CNTNAP5: variants seen among roughly 807,000 people sequenced by gnomAD.
CNTNAP5 encodes the protein contactin associated protein family member 5.
In CNTNAP5, 72 loss-of-function variants were observed where a neutral mutation model predicts 150.2. The observed-to-expected ratio is 0.48, with a 90% CI of 0.40 to 0.58. The LOEUF is 0.58. Among genes scored for constraint, CNTNAP5 ranks in the 20% least tolerant of loss-of-function variants. The pLI is 0.00. For synonymous variants in CNTNAP5, 672 were observed against 619.8 expected, an observed-to-expected ratio of 1.08 and a Z score of -1.25; for missense variants, 1,636 against 1,626.2, an observed-to-expected ratio of 1.01 and a Z score of -0.10.
chr2:124,318,295 C>T (rs1689016886), intron 3 of CNTNAP5, among the ~76,000 whole-genome samples: 1 of 152,152 alleles, frequency 6.6e-6, no homozygotes, highest in South Asian at 2.1e-4. Flanking sequence ...ACATCTAAAC[C>T]TTAAGTAGTG....
chr2:124,287,075 AC>A lies in CNTNAP5; in HGVS notation c.381+44683del, dbSNP rs1278837684. On this transcript the variant is annotated intron_variant, in intron 3 of 23. Transcript: ENST00000682447. Reference sequence around the variant, plus strand: ...TGCAATACTTACCAGAACAGCAGCCACAGTCTGACTCCCACTCGCTCAAAGG... The same window carrying A: ...TGCAATACTTACCAGAACAGCAGCCAAGTCTGACTCCCACTCGCTCAAAGG... Among the ~76,000 whole-genome samples, 6 of 152,290 alleles carry A rather than the reference AC, an allele frequency of 3.9e-5. No individual in the cohort carries two copies. The South Asian group carries it at 8.3e-4, about 21-fold the overall frequency.
intron 13 of CNTNAP5, among the ~76,000 whole-genome samples, chr2:124,665,183 C>T (rs1210108673): frequency 6.6e-6 from 1 of 152,218 alleles, no homozygotes; most frequent in Non-Finnish European, 1.5e-5. Flanking sequence ...ACAATATTGT[C>T]TTTCCCTTTT....
intron 13 of CNTNAP5, among the ~76,000 whole-genome samples, chr2:124,696,159 T>A (rs1161273832): frequency 6.6e-6 from 1 of 152,090 alleles, no homozygotes; most frequent in Non-Finnish European, 1.5e-5. Context: ...ATCCAGACAA[T>A]GATGGCTGGA....
chr2:124,598,836 T>C (rs1219731301), intron 11 of CNTNAP5, among the ~76,000 whole-genome samples: 2 of 152,188 alleles, frequency 1.3e-5, no homozygotes, highest in East Asian at 3.9e-4. Context: ...GTGTGGGATA[T>C]AGTCTTGTGG....
intron 12 of CNTNAP5, among the ~76,000 whole-genome samples, chr2:124,618,412 A>G (rs1677535796): frequency 6.6e-6 from 1 of 152,160 alleles, no homozygotes; most frequent in Admixed American, 6.5e-5. Context: ...AGGTGTGAAT[A>G]TATAAAAGGA....
chr2:124,687,435 C>T lies in CNTNAP5; in HGVS notation c.2077+39477C>T, dbSNP rs147786047. Among the ~76,000 whole-genome samples the T allele has an allele frequency of 2.6e-5, 4 of 152,042 alleles. No individual in the cohort carries two copies. In the East Asian group the frequency reaches 7.7e-4, roughly 29 times the overall value. ...AGATATGTTTAACATTCTTTAAGAC[C>T]TTTTAAATATTACCTGTTTTTTCTT... On this transcript the variant is annotated intron_variant, in intron 13 of 23. Coordinates refer to ENST00000682447, the MANE Select transcript of CNTNAP5 (RefSeq NM_001367498.1).
Position 124,785,007 on chromosome 2 carries a change from T to A in CNTNAP5, c.2753-4895T>A, listed in dbSNP as rs553027041. On this transcript the variant is annotated intron_variant, in intron 17 of 23. Transcript: ENST00000682447. ...TTGTTTTTAGAACCAGAGGCATTGC[T>A]CTGGTCCTCAAAGAGCTCAGAGATT... is the stretch of plus-strand genomic sequence containing the variant. Among the ~76,000 whole-genome samples the A allele has an allele frequency of 2.1e-5, 3 of 140,720 alleles. No individual in the cohort carries two copies. In the South Asian group the frequency reaches 6.6e-4, roughly 31 times the overall value. The allele number at this position is 140,720 out of a possible 152,430, so 92.3% of individuals were successfully genotyped here. A position where few individuals can be genotyped will look rare whatever the true frequency, so the allele number is the denominator to read the frequency against.
chr2:124,732,447 C>T (rs540522647), intron 13 of CNTNAP5, among the ~76,000 whole-genome samples: 2 of 152,056 alleles, frequency 1.3e-5, no homozygotes, highest in Non-Finnish European at 2.9e-5. Flanking sequence ...GGATAAAGTT[C>T]TCACGCATAG....
intron 3 of CNTNAP5, among the ~76,000 whole-genome samples, chr2:124,399,654 T>C (rs1691353074): frequency 6.6e-6 from 1 of 152,116 alleles, no homozygotes. Flanking sequence ...ATGTAAAGGA[T>C]GGCAGAAACT....
chr2:124,745,922 T>A (rs1473209452), intron 13 of CNTNAP5, among the ~76,000 whole-genome samples: 1 of 152,216 alleles, frequency 6.6e-6, no homozygotes, highest in Non-Finnish European at 1.5e-5. Flanking sequence ...ATGGGGATGA[T>A]AGCCTGGAGG....
intron 13 of CNTNAP5, among the ~76,000 whole-genome samples, chr2:124,727,919 T>C (rs560149436): frequency 1.3e-5 from 2 of 152,190 alleles, no homozygotes; most frequent in East Asian, 3.9e-4. Context: ...CTTTAAAGAT[T>C]GAGTATGACG....
At chr2:124,678,884 C>T in intron 13 of CNTNAP5, among the ~76,000 whole-genome samples, 1 of 151,970 alleles carries the variant, frequency 6.6e-6, no homozygotes, top group South Asian at 2.1e-4. Context: ...TGCCTCTTTG[C>T]ATCCTTGTGG....
At chr2:124,902,422 C>T (rs1260936729) in intron 21 of CNTNAP5, among the ~76,000 whole-genome samples, 3 of 152,122 alleles carry the variant, frequency 2.0e-5, no homozygotes, top group East Asian at 3.9e-4. Flanking sequence ...GACTTCTAAT[C>T]CCTCTACCTC....
intron 7 of CNTNAP5, among the ~76,000 whole-genome samples, chr2:124,485,593 A>T (rs1465941023): frequency 7.0e-6 from 1 of 142,082 alleles, no homozygotes; most frequent in Admixed American, 7.2e-5. Context: ...AGCCTGGGCG[A>T]CACAGAAAGA....
chr2:124,149,081 C>T (rs923451585), intron 1 of CNTNAP5, among the ~76,000 whole-genome samples: 1 of 151,834 alleles, frequency 6.6e-6, no homozygotes, highest in African/African-American at 2.4e-5. Flanking sequence ...AGTTGTATTC[C>T]AGGTTAATCA....
At chr2:124,097,613 C>T (rs936361998) in intron 1 of CNTNAP5, among the ~76,000 whole-genome samples, 2 of 152,140 alleles carry the variant, frequency 1.3e-5, no homozygotes, top group African/African-American at 4.8e-5. Context: ...GCCCTTTGTC[C>T]ATTGTTTCCC....
chr2:124,767,799 T>C (rs1032658259), intron 16 of CNTNAP5, among the ~76,000 whole-genome samples: 2 of 152,220 alleles, frequency 1.3e-5, no homozygotes, highest in Admixed American at 1.3e-4. Flanking sequence ...TTTTCAGTAG[T>C]TTAACAAAGT....
intron 1 of CNTNAP5, among the ~76,000 whole-genome samples, chr2:124,089,465 C>T (rs957888192): frequency 6.6e-6 from 1 of 152,232 alleles, no homozygotes; most frequent in East Asian, 1.9e-4. Flanking sequence ...AAGGAGAGAG[C>T]TGGAATTTTG....
intron 3 of CNTNAP5, among the ~76,000 whole-genome samples, chr2:124,328,610 G>A (rs1292713621): frequency 2.0e-5 from 3 of 152,132 alleles, no homozygotes; most frequent in Non-Finnish European, 2.9e-5. Context: ...AATGATAAAG[G>A]CGCCTGTTTG....
Sources: allele counts gnomAD v4.1 joint callset (sites outside exome capture counted in the v4.1 genomes callset), GRCh38; gene constraint gnomAD v4.1.1; transcripts MANE v1.5; gene names NCBI Gene and HGNC (gene_info 2026-07-23, HGNC 2026-07-21).